SPON1: variants seen among roughly 807,000 people sequenced by gnomAD.
SPON1 encodes spondin-1.
SPON1 carries 52 observed loss-of-function variants against 111.7 expected under a neutral mutation model. The observed-to-expected ratio is 0.47, with a 90% CI of 0.37 to 0.59. The LOEUF (loss-of-function observed/expected upper bound fraction) is 0.59. SPON1 is among the 20% of genes least tolerant of loss of function. The probability of loss-of-function intolerance (pLI) is 0.00; values close to 1 mark genes in which losing one functional copy is unlikely to be tolerated. For missense variants in SPON1, 957 were observed against 1,068.5 expected (o/e 0.90, Z 1.46); for synonymous variants, 410 against 395.8 (o/e 1.04, Z -0.43).
chr11:14,067,360 G>A (rs1554920466), intron 3 of SPON1, among the ~76,000 whole-genome samples: 1 of 152,164 alleles, frequency 6.6e-6, no homozygotes, highest in African/African-American at 2.4e-5. Context: ...TACAAAGGTT[G>A]GCTGATGATG....
intron 2 of SPON1, among the ~76,000 whole-genome samples, chr11:14,033,422 G>C (rs910982058): frequency 1.3e-5 from 2 of 152,198 alleles, no homozygotes; most frequent in Non-Finnish European, 2.9e-5. Context: ...CTTGAGGCTT[G>C]TGTCTCTTGA....
At chr11:14,072,888 A>C (rs1848887906) in intron 3 of SPON1, among the ~76,000 whole-genome samples, 2 of 152,150 alleles carry the variant, frequency 1.3e-5, no homozygotes, top group Non-Finnish European at 2.9e-5. Flanking sequence ...CTTGGAGTGA[A>C]ATGCCATCTC....
intron 3 of SPON1, among the ~76,000 whole-genome samples, chr11:14,043,346 C>T (rs1848645869): frequency 3.3e-5 from 5 of 152,120 alleles, no homozygotes; most frequent in Admixed American, 3.3e-4. Flanking sequence ...GTTTGGAGGG[C>T]ATATTTGGCT....
At chr11:14,163,870 C>T (rs1298748207) in intron 6 of SPON1, among the ~76,000 whole-genome samples, 1 of 151,878 alleles carries the variant, frequency 6.6e-6, no homozygotes, top group Non-Finnish European at 1.5e-5. Flanking sequence ...CCCTGGTTAC[C>T]CCCACACCCA....
intron 6 of SPON1, among the ~76,000 whole-genome samples, chr11:14,171,042 T>G (rs1288284326): frequency 1.6e-4 from 25 of 152,218 alleles, no homozygotes; most frequent in Non-Finnish European, 7.3e-5. Context: ...TCTTTTTCTA[T>G]TGATTGGAAT....
chr11:14,128,655 T>A (rs1847491384), intron 5 of SPON1, among the ~76,000 whole-genome samples: 1 of 152,232 alleles, frequency 6.6e-6, no homozygotes, highest in African/African-American at 2.4e-5. Context: ...CACTAGACAG[T>A]GTCCCAGTGG....
intron 7 of SPON1, among the ~76,000 whole-genome samples, chr11:14,250,417 T>A (rs1554940587): frequency 2.0e-5 from 3 of 151,728 alleles, no homozygotes; most frequent in Admixed American, 6.6e-5. Flanking sequence ...GTTTTTTTTT[T>A]ATTACAGTTA....
At chr11:14,237,239 A>G (rs567140075) in intron 6 of SPON1, among the ~76,000 whole-genome samples, 6 of 152,324 alleles carry the variant, frequency 3.9e-5, no homozygotes, top group South Asian at 2.1e-4. Context: ...GGCAACTGGG[A>G]AAGAGAAAAA....
chr11:14,074,258 G>T (rs79542365), intron 3 of SPON1, among the ~76,000 whole-genome samples: 32 of 152,284 alleles, frequency 2.1e-4, no homozygotes, highest in African/African-American at 7.7e-4. Context: ...GGTCAGAATT[G>T]TATTATTTTG....
At chr11:13,986,395 A>G (rs1171716420) in intron 2 of SPON1, among the ~76,000 whole-genome samples, 2 of 152,196 alleles carry the variant, frequency 1.3e-5, no homozygotes, top group African/African-American at 4.8e-5. Flanking sequence ...AATATTTAAC[A>G]TATTTGTTGG....
chr11:14,017,689 T>G (rs1195589021), intron 2 of SPON1, among the ~76,000 whole-genome samples: 1 of 152,196 alleles, frequency 6.6e-6, no homozygotes, highest in South Asian at 2.1e-4. Context: ...CAGGCATATT[T>G]CATTGGGCAC....
Position 14,057,842 on chromosome 11 carries a change from AAC to A in SPON1, c.479+16190_479+16191del, listed in dbSNP as rs68023314. 1.4e-3 allele frequency among the ~76,000 whole-genome samples: 208 copies of A among 143,600 alleles called. 8 individuals are homozygous for A. The highest frequency in any genetic ancestry group is 5.0e-3 in the South Asian group (22 of 4,440). The allele number at this position is 143,600 out of a possible 152,430, so 94.2% of individuals were successfully genotyped here. On this transcript the variant is annotated intron_variant, in intron 3 of 15. Transcript: ENST00000576479. Reference sequence around the variant, plus strand: ...AGACCTTGTCTCTACAAAAAAAAAAAACAAAACAAAAACTTAAAAATAAAATT... The same window carrying A: ...AGACCTTGTCTCTACAAAAAAAAAAAAAAACAAAAACTTAAAAATAAAATT...
chr11:14,103,939 G>T (rs10832182), intron 5 of SPON1, among the ~76,000 whole-genome samples: 120,425 of 152,038 alleles, frequency 0.79, 48,570 homozygotes, highest in African/African-American at 0.95. Flanking sequence ...TTTTTATAAG[G>T]GATTTGTTGC....
intron 2 of SPON1, among the ~76,000 whole-genome samples, chr11:14,016,077 A>AG (rs1377804473): frequency 2.0e-5 from 3 of 152,212 alleles, no homozygotes; most frequent in Non-Finnish European, 4.4e-5. Flanking sequence ...TTTGCTGGGA[A>AG]GGGAAAGGAA....
chr11:14,065,303 G>T (rs1476735165), intron 3 of SPON1, among the ~76,000 whole-genome samples: 4 of 152,208 alleles, frequency 2.6e-5, no homozygotes, highest in East Asian at 1.9e-4. Context: ...GAAGCGGGAG[G>T]AGGCTGAAGC....
intron 2 of SPON1, among the ~76,000 whole-genome samples, chr11:13,988,481 T>C (rs1358332320): frequency 2.0e-5 from 3 of 152,216 alleles, no homozygotes; most frequent in Admixed American, 2.0e-4. Flanking sequence ...TATACAATCA[T>C]GTCATCTACA....
chr11:13,993,260 G>C (rs948412290), intron 2 of SPON1, among the ~76,000 whole-genome samples: 4 of 151,838 alleles, frequency 2.6e-5, no homozygotes, highest in Non-Finnish European at 5.9e-5. Context: ...TCCAAAGAAG[G>C]CCGAGGAGAA....
intron 6 of SPON1, among the ~76,000 whole-genome samples, chr11:14,215,744 A>G (rs1564932870): frequency 1.3e-5 from 2 of 152,240 alleles, no homozygotes; most frequent in Non-Finnish European, 2.9e-5. Context: ...GACCAAAAAT[A>G]TGCCGACTTA....
chr11:14,154,820 G>T (rs528497084), intron 6 of SPON1, among the ~76,000 whole-genome samples: 1 of 152,258 alleles, frequency 6.6e-6, no homozygotes, highest in African/African-American at 2.4e-5. Context: ...TGTTTATGCA[G>T]GTTAGTGTAG....
Sources: allele counts gnomAD v4.1 joint callset (sites outside exome capture counted in the v4.1 genomes callset), GRCh38; gene constraint gnomAD v4.1.1; transcripts MANE v1.5; gene names NCBI Gene and HGNC (gene_info 2026-07-23, HGNC 2026-07-21).